Variants in WASF3 observed in about 807,000 individuals in gnomAD.
WASF3 encodes the protein WASP family member 3.
Under a neutral mutation model 46.6 loss-of-function variants are expected in WASF3, and 11 were observed. That is an observed-to-expected ratio of 0.24 (90% confidence interval 0.15 to 0.39). The LOEUF is 0.39. Among genes scored for constraint, WASF3 ranks in the 10% least tolerant of loss-of-function variants. The probability of loss-of-function intolerance (pLI) is 1.00; values close to 1 mark genes in which losing one functional copy is unlikely to be tolerated. For missense variants in WASF3, 576 were observed against 669.8 expected (o/e 0.86, Z 1.55); for synonymous variants, 242 against 259.7 (o/e 0.93, Z 0.65).
chr13:26,558,698 G>T (rs1879186079), intron 1 of WASF3, among the ~76,000 whole-genome samples: 1 of 152,174 alleles, frequency 6.6e-6, no homozygotes, highest in African/African-American at 2.4e-5. Context: ...AGCATCATAG[G>T]AATTCTTTCT....
intron 2 of WASF3, among the ~76,000 whole-genome samples, chr13:26,618,496 G>GCC (rs59122008): frequency 3.0e-5 from 2 of 66,384 alleles, no homozygotes; most frequent in East Asian, 6.8e-4. Flanking sequence ...CCCCACCTCC[G>GCC]CCCCCCCGTC....
intron 6 of WASF3, among the ~76,000 whole-genome samples, chr13:26,676,030 G>T (rs1171819261): frequency 1.3e-5 from 2 of 152,150 alleles, no homozygotes; most frequent in Non-Finnish European, 2.9e-5. Flanking sequence ...TTTATGAGCA[G>T]GTAAGTTTTT....
At chr13:26,552,665 T>C in the WASF3 span, among the ~76,000 whole-genome samples, 2 of 152,246 alleles carry the variant, frequency 1.3e-5, no homozygotes, top group African/African-American at 4.8e-5. Flanking sequence ...ATGACAGTTA[T>C]TATGCTTTTA....
the WASF3 span, among the ~76,000 whole-genome samples, chr13:26,542,001 T>C: frequency 6.6e-6 from 1 of 152,206 alleles, no homozygotes; most frequent in Non-Finnish European, 1.5e-5. Flanking sequence ...GACTGTATCA[T>C]GCCTGACATG....
At chr13:26,594,628 C>T (rs1305056113) in intron 1 of WASF3, among the ~76,000 whole-genome samples, 2 of 152,166 alleles carry the variant, frequency 1.3e-5, no homozygotes, top group African/African-American at 2.4e-5. Flanking sequence ...AAAGTTACCT[C>T]CCTGGAACGC....
At chr13:26,669,136 G>T (rs73494708) in intron 5 of WASF3, among the ~76,000 whole-genome samples, 6,771 of 150,712 alleles carry the variant, frequency 0.045, 524 homozygotes, top group African/African-American at 0.15. Context: ...TATGAAAACT[G>T]ATTTGACTTT....
At chr13:26,593,986 C>T (rs1880380764) in intron 1 of WASF3, among the ~76,000 whole-genome samples, 1 of 152,176 alleles carries the variant, frequency 6.6e-6, no homozygotes, top group Admixed American at 6.5e-5. Flanking sequence ...TCTTTGTCCA[C>T]ATTTGTGTTC....
chr13:26,627,505 A>G (rs1317980060), intron 2 of WASF3, among the ~76,000 whole-genome samples: 7 of 152,198 alleles, frequency 4.6e-5, no homozygotes, highest in Non-Finnish European at 2.9e-5. Context: ...TACCTAGTCA[A>G]AGTTTATATG....
chr13:26,610,839 T>C (rs1368718140), intron 1 of WASF3, among the ~76,000 whole-genome samples: 1 of 152,142 alleles, frequency 6.6e-6, no homozygotes, highest in East Asian at 1.9e-4. Context: ...CCTTAACCTG[T>C]GACTTCAAAG....
At chr13:26,632,797 G>A (rs528047088) in intron 2 of WASF3, among the ~76,000 whole-genome samples, 1 of 152,116 alleles carries the variant, frequency 6.6e-6, no homozygotes, top group African/African-American at 2.4e-5. Context: ...GAATCTGTCT[G>A]GTCCTGGACT....
chr13:26,674,819 G>T (rs1883015786), intron 6 of WASF3, among the ~76,000 whole-genome samples: 1 of 152,194 alleles, frequency 6.6e-6, no homozygotes, highest in South Asian at 2.1e-4. Context: ...AATTTTGAAA[G>T]ATAGAATTAT....
At chr13:26,567,707 A>AAT (rs989235180) in intron 1 of WASF3, among the ~76,000 whole-genome samples, 2,320 of 150,890 alleles carry the variant, frequency 0.015, 56 homozygotes, top group African/African-American at 0.046. Flanking sequence ...TTAAAAAAAA[A>AAT]ATATATATAT....
chr13:26,573,292 AT>A lies in WASF3; in HGVS notation c.-109+15477del, dbSNP rs147028709. On this transcript the variant is annotated intron_variant, in intron 1 of 9. Transcript: ENST00000335327. Reference sequence around the variant, plus strand: ...CAGAGTACTTTCCTGTGATTAATATATTTTATCTTTTTTGTATTTGTGCATT... The same window carrying A: ...CAGAGTACTTTCCTGTGATTAATATATTTATCTTTTTTGTATTTGTGCATT... Among the ~76,000 whole-genome samples, 859 of 152,024 alleles carry A rather than the reference AT, an allele frequency of 5.7e-3. 11 individuals carry two copies. The highest frequency in any genetic ancestry group is 0.02 in the African/African-American group (819 of 41,458).
chr13:26,613,894 C>CAGTGAG (rs1881055455), intron 2 of WASF3, among the ~76,000 whole-genome samples: 2 of 152,060 alleles, frequency 1.3e-5, no homozygotes, highest in Admixed American at 6.6e-5. Flanking sequence ...ATTTCAGTGA[C>CAGTGAG]CTGTCTTACT....
At chr13:26,543,886 C>T in the WASF3 span, among the ~76,000 whole-genome samples, 116,150 of 152,114 alleles carry the variant, frequency 0.76, 44,411 homozygotes, top group East Asian at 0.9. Context: ...TAGCTGTAGC[C>T]ATATTTAAAC....
At chr13:26,557,902 GA>G in intron 1 of WASF3, 83 bp downstream of exon 1, 2 of 284,178 alleles carry the variant, frequency 7.0e-6, no homozygotes, top group Non-Finnish European at 6.5e-6. Flanking sequence ...GCTGTCGGGG[GA>G]GGGGCGGCCC....
At position 26,665,083 on chromosome 13, in the gene WASF3, C is replaced by T. The variant is rs1882733153; in HGVS notation, c.189C>T (p.Tyr63=). The change falls in exon 4 of 10, where the codon TAC becomes TAT. Residue 63 remains tyrosine, a synonymous_variant. Coordinates refer to ENST00000335327, the MANE Select transcript of WASF3 (RefSeq NM_006646.6). ...TGTTTAATGAGGCTAACAACTTCTA[C>T]ATCAGAGCAAATTCTCTTCAAGACA... ...GELFNEANNF[Y]IRANSLQDRI... 1.2e-5 allele frequency: 19 copies of T among 1,614,070 alleles called. No individual in the cohort carries two copies. The highest frequency in any genetic ancestry group is 1.5e-5 in the Non-Finnish European group (18 of 1,180,014).
At chr13:26,550,833 A>T in the WASF3 span, among the ~76,000 whole-genome samples, 3 of 152,070 alleles carry the variant, frequency 2.0e-5, no homozygotes, top group Admixed American at 2.0e-4. Context: ...AGTGGGGGCA[A>T]TGTGGGAGTA....
chr13:26,567,371 A>G (rs1879496524), intron 1 of WASF3, among the ~76,000 whole-genome samples: 1 of 152,208 alleles, frequency 6.6e-6, no homozygotes, highest in South Asian at 2.1e-4. Flanking sequence ...CAAAATCAGT[A>G]TCCTGCATGG....
Sources: gnomAD v4.1 joint callset for allele counts (sites outside exome capture counted in the v4.1 genomes callset) on GRCh38, gnomAD v4.1.1 for gene constraint, MANE v1.5 for transcripts, NCBI Gene and HGNC (gene_info 2026-07-23, HGNC 2026-07-21) for gene names.